NPIPB11: variants seen among roughly 807,000 people sequenced by gnomAD.
NPIPB11 encodes the protein nuclear pore complex-interacting protein family member B11.
In NPIPB11, 17 loss-of-function variants were observed where a neutral mutation model predicts 32.8. The observed-to-expected ratio is 0.52, with a 90% CI of 0.35 to 0.78. The LOEUF (loss-of-function observed/expected upper bound fraction) is 0.78, where lower values mean the gene tolerates loss of function less well. Ranked by LOEUF, NPIPB11 falls within the 30% of genes least tolerant of loss-of-function variation. The pLI is 0.01. For synonymous variants in NPIPB11, 209 were observed against 398.4 expected, an observed-to-expected ratio of 0.52 and a Z score of 5.66; for missense variants, 537 against 1,000.4, an observed-to-expected ratio of 0.54 and a Z score of 6.25.
chr16:29,390,013 C>A (rs547783220), exon 5 of NPIPB11: 103 of 1,592,934 alleles, frequency 6.5e-5, no homozygotes, highest in Non-Finnish European at 8.2e-5. Flanking sequence ...CTTCCTCTTA[C>A]GGATTTTAGC....
At chr16:29,392,352 A>G (rs1032398753) in intron 3 of NPIPB11, among the ~76,000 whole-genome samples, 3 of 151,712 alleles carry the variant, frequency 2.0e-5, no homozygotes, top group Non-Finnish European at 2.9e-5. Context: ...AGAGGTGCGA[A>G]GTTGTCCAAG....
rs760534697 is a variant in NPIPB11 at position 29,394,045 on chromosome 16, C to T, written c.152G>A (p.Arg51His). Residue 51 changes from arginine (R) to histidine (H), a missense_variant, in exon 3 of 8, where the codon CGT becomes CAT. Arg to His is a conservative substitution (Grantham distance 29). Transcript: ENST00000524087. ...AGGACTTCCACCAAAGTCAGTCCCA[C>T]GATGATGATGGTCAGCCAGAGTATT... is the stretch of plus-strand genomic sequence containing the variant. 1.9e-5 allele frequency: 30 copies of T among 1,599,150 alleles called. 1 individual carries two copies. In the South Asian group the frequency reaches 2.2e-4, roughly 12 times the overall value.
At chr16:29,399,285 C>T (rs1320921818) in intron 2 of NPIPB11, among the ~76,000 whole-genome samples, 1 of 151,564 alleles carries the variant, frequency 6.6e-6, no homozygotes, top group Non-Finnish European at 1.5e-5. Flanking sequence ...TGCTTTAAAT[C>T]CCTTTACCAT....
intron 3 of NPIPB11, among the ~76,000 whole-genome samples, chr16:29,390,781 T>A (rs1963699938): frequency 6.6e-6 from 1 of 151,198 alleles, no homozygotes; most frequent in Non-Finnish European, 1.5e-5. Context: ...CTCACCAACA[T>A]GGAGAAACAC....
chr16:29,402,587 C>T (rs1310215133), intron 2 of NPIPB11, among the ~76,000 whole-genome samples: 2 of 112,228 alleles, frequency 1.8e-5, no homozygotes, highest in Admixed American at 8.9e-5. Flanking sequence ...ACCTGTAGTC[C>T]CAGCTACTCA....
In NPIPB11 at chr16:29,394,170, C is replaced by T; in HGVS notation, c.121-94G>A. ...ATCCTTAGAAACCGTCAACCTCCTC[C>T]AAAAGGTAACCACATCCCTCAGATA... On this transcript the variant is annotated intron_variant, in intron 2 of 7. Coordinates refer to ENST00000524087, the Ensembl canonical transcript of NPIPB11. 4.4e-6 allele frequency: 6 copies of T among 1,359,590 alleles called. No individual in the cohort carries two copies. The South Asian group carries it at 7.9e-5, about 18-fold the overall frequency. 84.2% of individuals were successfully genotyped at this position (1,359,590 alleles called of 1,614,324 possible).
chr16:29,397,530 A>G (rs1596681114), intron 2 of NPIPB11: 2 of 1,499,696 alleles, frequency 1.3e-6, no homozygotes, highest in East Asian at 2.6e-5. Context: ...ACAGCCCAGT[A>G]AAAAGGAAGA....
chr16:29,391,001 G>C (rs1486287437), intron 3 of NPIPB11, among the ~76,000 whole-genome samples: 2 of 150,032 alleles, frequency 1.3e-5, no homozygotes, highest in African/African-American at 2.5e-5. Flanking sequence ...ACCTGCGGTA[G>C]CTCATGCCTG....
At chr16:29,383,795 C>T (rs775904330) in exon 8 of NPIPB11, 2 of 1,140,612 alleles carry the variant, frequency 1.8e-6, no homozygotes, top group East Asian at 2.8e-5. Flanking sequence ...GTGGAAGCGG[C>T]CCCCGCAGAC....
intron 2 of NPIPB11, among the ~76,000 whole-genome samples, chr16:29,401,953 C>G (rs1361336149): frequency 6.6e-6 from 1 of 151,068 alleles, no homozygotes; most frequent in Non-Finnish European, 1.5e-5. Flanking sequence ...CCTAGCCCAT[C>G]CTAGCAGGCA....
At chr16:29,389,239 G>A in intron 5 of NPIPB11, among the ~76,000 whole-genome samples, 1 of 149,940 alleles carries the variant, frequency 6.7e-6, no homozygotes, top group Non-Finnish European at 1.5e-5. Context: ...GTGGCACACA[G>A]CTGTAATCCA....
intron 3 of NPIPB11, 88 bp from the exon 4 acceptor site, chr16:29,390,436 C>G (rs1596675454): frequency 1.3e-6 from 2 of 1,590,212 alleles, no homozygotes; most frequent in African/African-American, 2.7e-5. Context: ...GCAGGTGGAT[C>G]ACGGGGTCAG....
upstream of NPIPB11, among the ~76,000 whole-genome samples, chr16:29,406,324 A>C (rs1435304542): frequency 6.6e-6 from 1 of 152,286 alleles, no homozygotes; most frequent in Non-Finnish European, 1.5e-5. Flanking sequence ...TATGTTGTTG[A>C]TATACGTGTT....
intron 2 of NPIPB11, chr16:29,397,596 A>T: frequency 6.6e-7 from 1 of 1,510,702 alleles, no homozygotes; most frequent in Non-Finnish European, 9.0e-7. Flanking sequence ...GATAAATTCC[A>T]GCAGGAGCCC....
At chr16:29,400,412 TG>T (rs1963962448) in intron 2 of NPIPB11, among the ~76,000 whole-genome samples, 1 of 151,072 alleles carries the variant, frequency 6.6e-6, no homozygotes, top group Non-Finnish European at 1.5e-5. Context: ...GCTGACCAGC[TG>T]TGTGACCCTG....
intron 2 of NPIPB11, among the ~76,000 whole-genome samples, chr16:29,402,504 C>T (rs1212144538): frequency 5.4e-5 from 5 of 93,206 alleles, no homozygotes; most frequent in East Asian, 3.4e-4. Flanking sequence ...GGAGTTGACA[C>T]GAGCCTGGCC....
chr16:29,390,402 A>T (rs1567271759), intron 3 of NPIPB11, 54 bp from the exon 4 acceptor site: 12 of 1,593,736 alleles, frequency 7.5e-6, no homozygotes, highest in Non-Finnish European at 1.0e-5. Context: ...CATGCGTATA[A>T]TCCCAGTACT....
At chr16:29,400,053 G>A (rs1963952752) in intron 2 of NPIPB11, among the ~76,000 whole-genome samples, 1 of 151,906 alleles carries the variant, frequency 6.6e-6, no homozygotes, top group East Asian at 1.9e-4. Context: ...CTCCAGCCTG[G>A]GTGACAGAAT....
At chr16:29,400,393 T>A (rs2142137966) in intron 2 of NPIPB11, among the ~76,000 whole-genome samples, 2 of 151,662 alleles carry the variant, frequency 1.3e-5, no homozygotes, top group Non-Finnish European at 2.9e-5. Flanking sequence ...TGAGACCAGC[T>A]ATGTTGCTGC....
Sources: gnomAD v4.1 joint callset for allele counts (sites outside exome capture counted in the v4.1 genomes callset) on GRCh38, gnomAD v4.1.1 for gene constraint, MANE v1.5 for transcripts, NCBI Gene and HGNC (gene_info 2026-07-23, HGNC 2026-07-21) for gene names.